The following MTX2 variants were observed in gnomAD, a reference collection of about 807,000 sequenced individuals.
MTX2 encodes metaxin 2.
In MTX2, 35 loss-of-function variants were observed where a neutral mutation model predicts 42.3. That is an observed-to-expected ratio of 0.83 (90% CI 0.63 to 1.10). The LOEUF (loss-of-function observed/expected upper bound fraction) is 1.10. MTX2 is among the 50% of genes least tolerant of loss of function. The pLI is 0.00. For missense variants in MTX2, 307 were observed against 304.1 expected, an observed-to-expected ratio of 1.01 and a Z score of -0.07; for synonymous variants, 119 against 100.9, an observed-to-expected ratio of 1.18 and a Z score of -1.08.
In MTX2 at chr2:176,308,597, G is replaced by C. The variant is rs994921769; in HGVS notation, c.135+10702G>C. On this transcript the variant is annotated intron_variant, in intron 3 of 9. Transcript: ENST00000249442. ...TGTTATTGGTCTATTCAGAGATTCAGCTTCTTCCTGGTTTAGTCTTGGGAG... is the reference window on the plus strand; with the variant it reads ...TGTTATTGGTCTATTCAGAGATTCACCTTCTTCCTGGTTTAGTCTTGGGAG... Among the ~76,000 whole-genome samples the C allele has an allele frequency of 3.3e-5, 5 of 152,134 alleles. 1 individual carries two copies. The highest frequency in any genetic ancestry group is 7.4e-5 in the Non-Finnish European group (5 of 67,968).
rs898347337 is a variant in MTX2 at position 176,338,021 on chromosome 2, G to A, written c.*357G>A. The A allele has an allele frequency of 1.9e-5, 3 of 156,788 alleles. No individual in the cohort carries two copies. Among genetic ancestry groups the A allele is most frequent in the Admixed American group, 6.5e-5 (1 of 15,376 alleles). The allele number at this position is 156,788 out of a possible 1,614,324, so 9.7% of individuals were successfully genotyped here. ...GTGGAATAAACAGTGTCTTTTCTAA[G>A]GCAAGTAATTTGTGTTACATACTCC... On this transcript the variant is annotated 3_prime_UTR_variant, in exon 10 of 10. Transcript: ENST00000249442.
At chr2:176,310,503 T>G (rs976890159) in intron 3 of MTX2, among the ~76,000 whole-genome samples, 14 of 152,206 alleles carry the variant, frequency 9.2e-5, no homozygotes, top group Non-Finnish European at 1.5e-5. Flanking sequence ...TTTTCCAGGT[T>G]GGTTCCATTC....
At chr2:176,274,585 C>T (rs1226478936) in intron 1 of MTX2, among the ~76,000 whole-genome samples, 1 of 152,118 alleles carries the variant, frequency 6.6e-6, no homozygotes, top group Non-Finnish European at 1.5e-5. Context: ...CATACACAAA[C>T]ACATGGCAAA....
At chr2:176,272,904 G>A (rs1020506223) in intron 1 of MTX2, among the ~76,000 whole-genome samples, 3 of 152,168 alleles carry the variant, frequency 2.0e-5, no homozygotes, top group Non-Finnish European at 2.9e-5. Flanking sequence ...GCCAAGAAGT[G>A]AAAACAGGAG....
chr2:176,275,088 T>G lies in MTX2; in HGVS notation c.40+5419T>G, dbSNP rs933109412. Among the ~76,000 whole-genome samples, 5 of 152,338 alleles carry G rather than the reference T, an allele frequency of 3.3e-5. No individual in the cohort carries two copies. The East Asian group carries it at 9.6e-4, about 29-fold the overall frequency. On this transcript the variant is annotated intron_variant, in intron 1 of 9. Coordinates refer to ENST00000249442, the MANE Select transcript of MTX2 (RefSeq NM_006554.5). Reference sequence around the variant, plus strand: ...GTTGTAAGCAGTGCTTACGTAAACATATTTATGCATCTGTTCAGTAGTTTT... The same window carrying G: ...GTTGTAAGCAGTGCTTACGTAAACAGATTTATGCATCTGTTCAGTAGTTTT...
intron 4 of MTX2, among the ~76,000 whole-genome samples, chr2:176,325,089 TTCTC>T (rs959174946): frequency 2.0e-5 from 3 of 151,758 alleles, no homozygotes; most frequent in African/African-American, 4.8e-5. Flanking sequence ...GAAATTTCAC[TTCTC>T]TGAGCCTCAG....
At position 176,305,302 on chromosome 2, in the gene MTX2, A is replaced by G. The variant is rs115467640; in HGVS notation, c.135+7407A>G. On this transcript the variant is annotated intron_variant, in intron 3 of 9. Transcript: ENST00000249442. The stretch of plus-strand genomic sequence containing the variant: ...TTGTTATTATTTTTATCAGTTGGGA[A>G]TTTTCTTGTAAGTAACAAAATTTTA... Among the ~76,000 whole-genome samples, 304 of 152,072 alleles carry G rather than the reference A, an allele frequency of 2.0e-3. 3 individuals carry two copies. Among genetic ancestry groups the G allele is most frequent in the African/African-American group, 7.1e-3 (296 of 41,464 alleles).
intron 1 of MTX2, among the ~76,000 whole-genome samples, chr2:176,289,116 GTT>G (rs57768180): frequency 2.0e-5 from 3 of 151,424 alleles, no homozygotes; most frequent in Admixed American, 6.6e-5. Context: ...TAAGAATATT[GTT>G]TTTTTTGTAT....
chr2:176,329,758 T>G (rs1684809364), intron 8 of MTX2, among the ~76,000 whole-genome samples: 1 of 149,438 alleles, frequency 6.7e-6, no homozygotes, highest in Non-Finnish European at 1.5e-5. Flanking sequence ...TGCTACTGTA[T>G]AACCTGAGGG....
chr2:176,323,526 C>T, intron 4 of MTX2, 62 bp downstream of exon 4: 1 of 1,435,716 alleles, frequency 7.0e-7, no homozygotes. Flanking sequence ...TAGTGATAGT[C>T]CAGTTTGTAT....
intron 6 of MTX2, 42 bp downstream of exon 6, chr2:176,328,427 C>A: frequency 1.6e-6 from 2 of 1,215,912 alleles, no homozygotes; most frequent in Non-Finnish European, 1.1e-6. Context: ...AGCTTTTTCT[C>A]TCATTCTCAT....
At chr2:176,273,210 A>G (rs1189298154) in intron 1 of MTX2, among the ~76,000 whole-genome samples, 2 of 152,208 alleles carry the variant, frequency 1.3e-5, no homozygotes, top group South Asian at 2.1e-4. Context: ...TCTCTTAACA[A>G]TCCCACCTGT....
intron 3 of MTX2, among the ~76,000 whole-genome samples, chr2:176,317,169 T>C (rs1684467559): frequency 6.6e-6 from 1 of 152,164 alleles, no homozygotes; most frequent in Non-Finnish European, 1.5e-5. Context: ...CTGGTAATCA[T>C]TATCTGCCTG....
In MTX2 at chr2:176,319,395, AG is replaced by A. The variant is rs147527284; in HGVS notation, c.136-3994del. Among the ~76,000 whole-genome samples, 474 of 149,678 alleles carry A rather than the reference AG, an allele frequency of 3.2e-3. 5 individuals are homozygous for A. In the East Asian group the frequency reaches 0.036, roughly 11 times the overall value. On this transcript the variant is annotated intron_variant, in intron 3 of 9. Coordinates refer to ENST00000249442, the MANE Select transcript of MTX2 (RefSeq NM_006554.5). ...TTGAGTCAAACCTTGCTATTGTTTT[AG>A]GGTGTTTACATTATTGAAGATAGTC...
In MTX2 at chr2:176,333,426, A is replaced by G. The variant is rs894631301; in HGVS notation, c.620+2766A>G. ...TATTGATGTGTAATTTACATCTAGTAAAATTGGCACTTTTATGCGTGTAGT... is the reference window on the plus strand; with the variant it reads ...TATTGATGTGTAATTTACATCTAGTGAAATTGGCACTTTTATGCGTGTAGT... On this transcript the variant is annotated intron_variant, in intron 9 of 9. Coordinates refer to ENST00000249442, the MANE Select transcript of MTX2 (RefSeq NM_006554.5). 3.9e-4 allele frequency among the ~76,000 whole-genome samples: 59 copies of G among 151,678 alleles called. 2 individuals carry two copies.
At chr2:176,301,458 T>C (rs1223133159) in intron 3 of MTX2, among the ~76,000 whole-genome samples, 4 of 152,214 alleles carry the variant, frequency 2.6e-5, no homozygotes, top group Non-Finnish European at 4.4e-5. Flanking sequence ...AGGTAAGTGC[T>C]GTATAAGGTA....
intron 2 of MTX2, among the ~76,000 whole-genome samples, chr2:176,297,414 T>G (rs996572376): frequency 2.0e-5 from 3 of 152,176 alleles, no homozygotes; most frequent in Non-Finnish European, 4.4e-5. Flanking sequence ...CTTCTAAGCA[T>G]GGAATTTTTA....
Position 176,323,378 on chromosome 2 carries a change from A to G in MTX2, c.136-14A>G, listed in dbSNP as rs1429807724. The G allele has an allele frequency of 2.5e-6, 4 of 1,606,362 alleles. No homozygotes were observed. The highest frequency in any genetic ancestry group is 2.2e-5 in the East Asian group (1 of 44,654). ...GCTTTTTACTGGGCTTATTGTATGT[A>G]TCTTGATTTACAGGCCTTTTTGCAA... On this transcript the variant is annotated splice_polypyrimidine_tract_variant and intron_variant, in intron 3 of 9. Transcript: ENST00000249442.
At chr2:176,327,038 G>A in intron 5 of MTX2, 137 bp downstream of exon 5, 1 of 480,294 alleles carries the variant, frequency 2.1e-6, no homozygotes, top group South Asian at 4.8e-5. Flanking sequence ...TTTCTGAAGT[G>A]TAAGTTAGTA....
Sources: allele counts gnomAD v4.1 joint callset (sites outside exome capture counted in the v4.1 genomes callset), GRCh38; gene constraint gnomAD v4.1.1; transcripts MANE v1.5; gene names NCBI Gene and HGNC (gene_info 2026-07-23, HGNC 2026-07-21).